PDE4D: variants seen among roughly 807,000 people sequenced by gnomAD.
PDE4D encodes 3',5'-cyclic-AMP phosphodiesterase 4D.
PDE4D carries 24 observed loss-of-function variants against 87.4 expected under a neutral mutation model. The observed-to-expected ratio is 0.27, with a 90% CI of 0.20 to 0.39. The LOEUF is 0.39. Among genes scored for constraint, PDE4D ranks in the 10% least tolerant of loss-of-function variants. PDE4D has a pLI of 1.00. For missense variants in PDE4D, 714 were observed against 1,041.0 expected, an observed-to-expected ratio of 0.69 and a Z score of 4.32; for synonymous variants, 384 against 383.2, an observed-to-expected ratio of 1.00 and a Z score of -0.02.
chr5:60,336,400 AC>A (rs1457619421), intron 1 of PDE4D, among the ~76,000 whole-genome samples: 2 of 152,162 alleles, frequency 1.3e-5, no homozygotes, highest in Non-Finnish European at 2.9e-5. Context: ...CACTTTGATA[AC>A]TCAGCAAAGG....
intron 1 of PDE4D, among the ~76,000 whole-genome samples, chr5:59,622,977 C>T (rs1561346478): frequency 6.6e-6 from 1 of 152,108 alleles, no homozygotes; most frequent in Non-Finnish European, 1.5e-5. Flanking sequence ...TGGCCTTGCT[C>T]TTACCATATT....
chr5:60,341,962 T>C (rs181705997), intron 1 of PDE4D, among the ~76,000 whole-genome samples: 12 of 152,296 alleles, frequency 7.9e-5, no homozygotes, highest in Admixed American at 3.9e-4. Flanking sequence ...TCCATGAGGC[T>C]TAACTTCTGC....
At chr5:59,153,765 T>G (rs202169915) in intron 5 of PDE4D, among the ~76,000 whole-genome samples, 1 of 132,654 alleles carries the variant, frequency 7.5e-6, no homozygotes, top group Non-Finnish European at 1.7e-5. Flanking sequence ...TTTTTTTTTG[T>G]TGTTGTTGTT....
At chr5:59,727,068 C>A (rs6450527) in intron 1 of PDE4D, among the ~76,000 whole-genome samples, 99,787 of 151,866 alleles carry the variant, frequency 0.66, 34,270 homozygotes, top group African/African-American at 0.84. Flanking sequence ...ATAAATGCTC[C>A]AGATTATAAC....
intron 2 of PDE4D, among the ~76,000 whole-genome samples, chr5:60,043,657 C>CT (rs70975361): frequency 1.7e-3 from 236 of 141,902 alleles, no homozygotes; most frequent in South Asian, 4.7e-3. Flanking sequence ...AAGGAATTTT[C>CT]TTTTTTTTTT....
intron 1 of PDE4D, among the ~76,000 whole-genome samples, chr5:59,584,121 C>T (rs1362169098): frequency 6.6e-6 from 1 of 152,130 alleles, no homozygotes; most frequent in African/African-American, 2.4e-5. Flanking sequence ...AATTCACGAG[C>T]CTGAAATCTC....
intron 6 of PDE4D, among the ~76,000 whole-genome samples, chr5:59,003,667 A>ATTGACAAACTTAAGACTCAGTT (rs1561281451): frequency 6.6e-6 from 1 of 152,206 alleles, no homozygotes; most frequent in Non-Finnish European, 1.5e-5. Flanking sequence ...TGATAAGCAC[A>ATTGACAAACTTAAGACTCAGTT]ATGGAGAGAA....
chr5:59,572,444 G>T (rs968481505), intron 1 of PDE4D, among the ~76,000 whole-genome samples: 4 of 151,880 alleles, frequency 2.6e-5, no homozygotes, highest in Non-Finnish European at 5.9e-5. Flanking sequence ...AATGAAATCT[G>T]GTACACAGGT....
chr5:59,068,071 C>T (rs1764199980), intron 5 of PDE4D, among the ~76,000 whole-genome samples: 1 of 152,092 alleles, frequency 6.6e-6, no homozygotes, highest in Non-Finnish European at 1.5e-5. Flanking sequence ...ACTTGAGGTC[C>T]AGGGCTTAAA....
At chr5:59,441,123 C>T (rs1165884663) in intron 1 of PDE4D, among the ~76,000 whole-genome samples, 1 of 152,168 alleles carries the variant, frequency 6.6e-6, no homozygotes, top group African/African-American at 2.4e-5. Context: ...GAAGCAGGGT[C>T]TCACTCTGTC....
At chr5:59,904,109 G>A (rs1363548387) in intron 3 of PDE4D, among the ~76,000 whole-genome samples, 1 of 152,028 alleles carries the variant, frequency 6.6e-6, no homozygotes, top group Non-Finnish European at 1.5e-5. Flanking sequence ...ATTGGTATTA[G>A]TATTACTAAA....
rs139781710 is a variant in PDE4D, at chr5:59,607,051, G to A, written c.455+286117C>T. ...TTTCCCTACGTTTCAGATGCCAAGAGGCTATTTAGAGATATTGGGAGGCAC... is the reference window on the plus strand; with the variant it reads ...TTTCCCTACGTTTCAGATGCCAAGAAGCTATTTAGAGATATTGGGAGGCAC... On this transcript the variant is annotated intron_variant, in intron 1 of 14. Transcript: ENST00000340635. Among the ~76,000 whole-genome samples, 87 of 152,128 alleles carry A rather than the reference G, an allele frequency of 5.7e-4. 1 individual carries two copies. The highest frequency in any genetic ancestry group is 1.0e-3 in the African/African-American group (43 of 41,530).
chr5:59,063,526 T>C (rs1287281183), intron 5 of PDE4D: 1 of 152,196 alleles, frequency 6.6e-6, no homozygotes, highest in African/African-American at 2.4e-5. Context: ...CTGGAAATTT[T>C]CCTTCAGGCT....
At chr5:60,230,142 T>C (rs1745625705) in intron 1 of PDE4D, among the ~76,000 whole-genome samples, 1 of 152,100 alleles carries the variant, frequency 6.6e-6, no homozygotes, top group Non-Finnish European at 1.5e-5. Flanking sequence ...TGATTTTGTT[T>C]TCAATTAGCA....
At chr5:59,683,576 G>C (rs1316562216) in intron 1 of PDE4D, among the ~76,000 whole-genome samples, 3 of 152,080 alleles carry the variant, frequency 2.0e-5, no homozygotes, top group African/African-American at 7.2e-5. Flanking sequence ...TTTCAGTTAT[G>C]TCTTTATAAC....
chr5:59,350,129 T>C (rs1028521225), intron 1 of PDE4D, among the ~76,000 whole-genome samples: 35 of 152,210 alleles, frequency 2.3e-4, no homozygotes, highest in African/African-American at 8.2e-4. Flanking sequence ...GACTTGTAAG[T>C]AAAATGTCTG....
chr5:60,497,657 G>T (rs897244239), intron 1 of PDE4D, among the ~76,000 whole-genome samples: 1 of 151,976 alleles, frequency 6.6e-6, no homozygotes, highest in Non-Finnish European at 1.5e-5. Context: ...TCCCACCTTG[G>T]CCTCCCAAAG....
At chr5:59,887,269 T>C (rs1204822938) in intron 1 of PDE4D, among the ~76,000 whole-genome samples, 1 of 152,118 alleles carries the variant, frequency 6.6e-6, no homozygotes, top group Non-Finnish European at 1.5e-5. Context: ...GGGGCAATGG[T>C]GGTATGTGTG....
chr5:60,262,239 A>G (rs563332080), intron 1 of PDE4D, among the ~76,000 whole-genome samples: 1 of 152,282 alleles, frequency 6.6e-6, no homozygotes, highest in East Asian at 1.9e-4. Context: ...TCCCTCAAAC[A>G]CTGGAAAGAA....
Sources: gnomAD v4.1 joint callset for allele counts (sites outside exome capture counted in the v4.1 genomes callset) on GRCh38, gnomAD v4.1.1 for gene constraint, MANE v1.5 for transcripts, NCBI Gene and HGNC (gene_info 2026-07-23, HGNC 2026-07-21) for gene names.